CLIP1: variants seen among roughly 807,000 people sequenced by gnomAD.
CLIP1 encodes CAP-Gly domain containing linker protein 1.
A neutral mutation model predicts 161.6 loss-of-function variants in CLIP1; 66 were observed. That is an observed-to-expected ratio of 0.41 (90% CI 0.33 to 0.50). CLIP1 has a LOEUF of 0.50. Among genes scored for constraint, CLIP1 ranks in the 20% least tolerant of loss-of-function variants. The pLI is 0.27. For synonymous variants in CLIP1, 598 were observed against 626.2 expected, an observed-to-expected ratio of 0.96 and a Z score of 0.67; for missense variants, 1,376 against 1,702.0, an observed-to-expected ratio of 0.81 and a Z score of 3.37.
intron 20 of CLIP1, among the ~76,000 whole-genome samples, chr12:122,290,548 A>G (rs1256297100): frequency 6.6e-6 from 1 of 152,222 alleles, no homozygotes; most frequent in Non-Finnish European, 1.5e-5. Flanking sequence ...AGTTAAAAAA[A>G]TCAATACTTA....
chr12:122,321,255 T>C (rs529085786), intron 17 of CLIP1, among the ~76,000 whole-genome samples: 21 of 151,890 alleles, frequency 1.4e-4, no homozygotes, highest in East Asian at 1.9e-4. Flanking sequence ...TTTTTTTTTT[T>C]CCCTTGAGAC....
At chr12:122,409,879 T>TA (rs1400557445) in intron 1 of CLIP1, among the ~76,000 whole-genome samples, 67 of 150,684 alleles carry the variant, frequency 4.4e-4, no homozygotes, top group Non-Finnish European at 5.9e-4. Flanking sequence ...TTTTTATTTT[T>TA]TTTTTTTTTG....
At chr12:122,351,817 AAT>A (rs36118691) in intron 8 of CLIP1, among the ~76,000 whole-genome samples, 61,012 of 151,856 alleles carry the variant, frequency 0.4, 14,701 homozygotes, top group Non-Finnish European at 0.52. Flanking sequence ...TTTAAAAACT[AAT>A]ATGAATAAAT....
rs548095800 is a variant in CLIP1 at position 122,297,827 on chromosome 12, C to T, written c.3595-9286G>A. ...GCTGCACAGATCCCCCTTTTCTAGG[C>T]GAGCCGTGTTGCCCAGCTTCTGGGA... On this transcript the variant is annotated intron_variant, in intron 20 of 25. Transcript: ENST00000620786. Among the ~76,000 whole-genome samples the T allele has an allele frequency of 1.1e-4, 17 of 152,310 alleles. No homozygotes were observed. The East Asian group carries it at 1.7e-3, about 16-fold the overall frequency.
At chr12:122,368,787 C>T (rs1045329755) in intron 3 of CLIP1, among the ~76,000 whole-genome samples, 7 of 151,750 alleles carry the variant, frequency 4.6e-5, no homozygotes, top group African/African-American at 7.3e-5. Flanking sequence ...AAAAATTAGT[C>T]GGGCATGGTG....
intron 20 of CLIP1, among the ~76,000 whole-genome samples, chr12:122,294,464 G>T (rs1190848953): frequency 6.6e-6 from 1 of 151,708 alleles, no homozygotes; most frequent in East Asian, 1.9e-4. Flanking sequence ...AATATGCTAA[G>T]TGAAATAAAT....
At chr12:122,397,238 C>T (rs973741922) in intron 1 of CLIP1, among the ~76,000 whole-genome samples, 1 of 151,996 alleles carries the variant, frequency 6.6e-6, no homozygotes, top group Middle Eastern at 3.4e-3. Context: ...ATGCTCTTTG[C>T]CCTTCTGATG....
rs1491131744 is a variant in CLIP1 at position 122,276,383 on chromosome 12, C to CACACACACACACACAT, written c.3966+1770_3966+1771insATGTGTGTGTGTGTGT. On this transcript the variant is annotated intron_variant, in intron 24 of 25. Transcript: ENST00000620786. ...AATGGACATAAGTATAGTGGGAAACCACACACACACACACACACACACGTG... is the reference window on the plus strand; with the variant it reads ...AATGGACATAAGTATAGTGGGAAACCACACACACACACACATACACACACACACACACACACACGTG... The CACACACACACACACAT allele has an allele frequency of 2.4e-5, 11 of 456,168 alleles. No individual in the cohort carries two copies. In the African/African-American group the frequency reaches 2.8e-4, roughly 12 times the overall value. 28.3% of individuals were successfully genotyped at this position (456,168 alleles called of 1,614,324 possible).
intron 10 of CLIP1, 92 bp from the exon 11 acceptor site, chr12:122,341,789 T>C: frequency 1.3e-6 from 1 of 763,944 alleles, no homozygotes; most frequent in Non-Finnish European, 1.8e-6. Context: ...TTTTTTTTTT[T>C]TTTTTTTTTT....
intron 20 of CLIP1, among the ~76,000 whole-genome samples, chr12:122,294,636 G>GC (rs1950400641): frequency 6.6e-6 from 1 of 152,036 alleles, no homozygotes; most frequent in Admixed American, 6.6e-5. Flanking sequence ...TGACACAGAC[G>GC]CCTGTAGTCC....
chr12:122,396,521 A>T (rs1456681331), intron 1 of CLIP1: 3 of 152,214 alleles, frequency 2.0e-5, no homozygotes, highest in Admixed American at 2.0e-4. Context: ...GGTAATTTTT[A>T]TCTGTGTTTT....
intron 1 of CLIP1, among the ~76,000 whole-genome samples, chr12:122,387,309 T>C (rs1227474409): frequency 6.6e-6 from 1 of 152,012 alleles, no homozygotes; most frequent in African/African-American, 2.4e-5. Flanking sequence ...TAAGACATCA[T>C]TTGCCTTTTT....
chr12:122,379,522 A>G (rs758595951), intron 2 of CLIP1, among the ~76,000 whole-genome samples: 11 of 151,852 alleles, frequency 7.2e-5, no homozygotes, highest in African/African-American at 1.2e-4. Context: ...GCTGAGAGCC[A>G]TGACAGTACC....
intron 1 of CLIP1, among the ~76,000 whole-genome samples, chr12:122,388,221 ATT>A (rs202147907): frequency 2.1e-4 from 30 of 143,134 alleles, no homozygotes; most frequent in Admixed American, 3.5e-4. Flanking sequence ...TAGGCCAGCT[ATT>A]TTTTTTTTTT....
intron 13 of CLIP1, 121 bp downstream of exon 13, chr12:122,334,527 A>T: frequency 1.5e-6 from 1 of 685,520 alleles, no homozygotes; most frequent in Non-Finnish European, 2.5e-6. Context: ...GCACGGCAGG[A>T]ACTTCCAGGA....
chr12:122,360,562 TA>T (rs1283858200), intron 5 of CLIP1, among the ~76,000 whole-genome samples: 3 of 149,612 alleles, frequency 2.0e-5, no homozygotes, highest in African/African-American at 7.4e-5. Flanking sequence ...AAAGAAAAAA[TA>T]AAAAAAAGAG....
intron 1 of CLIP1, among the ~76,000 whole-genome samples, chr12:122,384,674 T>A (rs2136886349): frequency 6.6e-6 from 1 of 151,642 alleles, no homozygotes; most frequent in Middle Eastern, 3.4e-3. Flanking sequence ...GGTGGGAGAA[T>A]CGCTTGAACC....
At chr12:122,273,649 G>GT (rs374581908) in intron 25 of CLIP1, among the ~76,000 whole-genome samples, 35,755 of 151,196 alleles carry the variant, frequency 0.24, 5,066 homozygotes, top group East Asian at 0.62. Context: ...CAAAACATTT[G>GT]TTTTTTTTTG....
At chr12:122,420,083 T>A (rs1157023387) in intron 1 of CLIP1, among the ~76,000 whole-genome samples, 1 of 151,948 alleles carries the variant, frequency 6.6e-6, no homozygotes, top group African/African-American at 2.4e-5. Flanking sequence ...GGCTCACACC[T>A]ATAATCCCAG....
Sources: gnomAD v4.1 joint callset for allele counts (sites outside exome capture counted in the v4.1 genomes callset) on GRCh38, gnomAD v4.1.1 for gene constraint, MANE v1.5 for transcripts, NCBI Gene and HGNC (gene_info 2026-07-23, HGNC 2026-07-21) for gene names.